The following CAMK1D variants were observed in gnomAD, a reference collection of about 807,000 sequenced individuals.
CAMK1D encodes the protein calcium/calmodulin dependent protein kinase ID.
A neutral mutation model predicts 47.7 loss-of-function variants in CAMK1D; 9 were observed. The observed-to-expected ratio is 0.19, with a 90% CI of 0.11 to 0.33. The LOEUF is 0.33. CAMK1D is among the 10% of genes least tolerant of loss of function. The pLI is 1.00. For missense variants in CAMK1D, 291 were observed against 488.7 expected, an observed-to-expected ratio of 0.60 and a Z score of 3.81; for synonymous variants, 184 against 184.9, an observed-to-expected ratio of 0.99 and a Z score of 0.04.
intron 6 of CAMK1D, among the ~76,000 whole-genome samples, chr10:12,813,824 G>A (rs755767861): frequency 4.0e-5 from 6 of 151,626 alleles, no homozygotes; most frequent in Non-Finnish European, 7.4e-5. Flanking sequence ...GCAGTGATGC[G>A]ATCTTGGCTC....
intron 1 of CAMK1D, among the ~76,000 whole-genome samples, chr10:12,390,162 G>A (rs1247286527): frequency 2.0e-5 from 3 of 152,114 alleles, no homozygotes; most frequent in Admixed American, 1.3e-4. Flanking sequence ...ATTCTAGGCT[G>A]ATGCAAAATT....
At chr10:12,549,196 C>A (rs1836500243) in intron 1 of CAMK1D, among the ~76,000 whole-genome samples, 1 of 152,220 alleles carries the variant, frequency 6.6e-6, no homozygotes, top group Non-Finnish European at 1.5e-5. Flanking sequence ...ACTCCGTCCC[C>A]ATTAAACAGA....
At chr10:12,696,069 A>G (rs1485030718) in intron 3 of CAMK1D, among the ~76,000 whole-genome samples, 1 of 151,994 alleles carries the variant, frequency 6.6e-6, no homozygotes, top group Non-Finnish European at 1.5e-5. Flanking sequence ...AGCCTGGGCA[A>G]CAAGAGTTAA....
chr10:12,541,768 T>C (rs568349126), intron 1 of CAMK1D, among the ~76,000 whole-genome samples: 2 of 152,242 alleles, frequency 1.3e-5, no homozygotes, highest in East Asian at 3.9e-4. Flanking sequence ...GAACAATAGG[T>C]CTAAAAGGCA....
At chr10:12,740,450 C>T (rs116331253) in intron 3 of CAMK1D, among the ~76,000 whole-genome samples, 4,318 of 152,118 alleles carry the variant, frequency 0.028, 180 homozygotes, top group African/African-American at 0.088. Flanking sequence ...AATAAAAAAT[C>T]AGCCAGACGT....
chr10:12,373,955 T>TAAA (rs1356790401), intron 1 of CAMK1D, among the ~76,000 whole-genome samples: 11 of 32,508 alleles, frequency 3.4e-4, no homozygotes, highest in Non-Finnish European at 4.8e-4. Flanking sequence ...ACACTCTTTA[T>TAAA]CAAAAAAAAA....
intron 1 of CAMK1D, among the ~76,000 whole-genome samples, chr10:12,400,352 T>C (rs1422331361): frequency 6.6e-6 from 1 of 152,192 alleles, no homozygotes; most frequent in Non-Finnish European, 1.5e-5. Flanking sequence ...CACTTCTTGC[T>C]GCGTACCTAA....
At chr10:12,801,423 C>A in intron 6 of CAMK1D, among the ~76,000 whole-genome samples, 1 of 147,834 alleles carries the variant, frequency 6.8e-6, no homozygotes, top group East Asian at 2.0e-4. Context: ...ATTCATCAAC[C>A]CATCCTTCCA....
At chr10:12,635,964 G>C (rs1839502083) in intron 2 of CAMK1D, among the ~76,000 whole-genome samples, 1 of 152,304 alleles carries the variant, frequency 6.6e-6, no homozygotes, top group Admixed American at 6.5e-5. Flanking sequence ...TCTCCCTCTT[G>C]ATTACTGTGG....
chr10:12,728,153 A>G (rs1010216866), intron 3 of CAMK1D, among the ~76,000 whole-genome samples: 30 of 152,202 alleles, frequency 2.0e-4, no homozygotes, highest in Non-Finnish European at 4.3e-4. Flanking sequence ...CTGAGTTGCA[A>G]TTCCAGATTT....
intron 3 of CAMK1D, among the ~76,000 whole-genome samples, chr10:12,734,498 A>G (rs1205196879): frequency 7.0e-6 from 1 of 143,502 alleles, no homozygotes; most frequent in Non-Finnish European, 1.5e-5. Context: ...ATGTATATAT[A>G]TACACACACA....
chr10:12,579,814 T>C (rs1837608094), intron 2 of CAMK1D, among the ~76,000 whole-genome samples: 2 of 152,228 alleles, frequency 1.3e-5, no homozygotes, highest in Non-Finnish European at 1.5e-5. Context: ...TTCACACTTC[T>C]TAAGCGAGAG....
At chr10:12,674,092 T>C (rs1251471297) in intron 3 of CAMK1D, among the ~76,000 whole-genome samples, 2 of 152,140 alleles carry the variant, frequency 1.3e-5, no homozygotes, top group Non-Finnish European at 2.9e-5. Flanking sequence ...ACTGCAGGCA[T>C]GTGCCACCAT....
At chr10:12,442,460 G>T (rs1283308341) in intron 1 of CAMK1D, among the ~76,000 whole-genome samples, 7 of 152,182 alleles carry the variant, frequency 4.6e-5, no homozygotes, top group Non-Finnish European at 8.8e-5. Context: ...CAGCCTGGGT[G>T]ACAGAGAGAG....
chr10:12,682,358 G>T (rs985697388), intron 3 of CAMK1D, among the ~76,000 whole-genome samples: 2 of 152,170 alleles, frequency 1.3e-5, no homozygotes, highest in African/African-American at 4.8e-5. Context: ...GATTGAAAAG[G>T]CTGATTATTT....
intron 1 of CAMK1D, among the ~76,000 whole-genome samples, chr10:12,423,422 G>T (rs1322172895): frequency 6.6e-6 from 1 of 152,090 alleles, no homozygotes; most frequent in Non-Finnish European, 1.5e-5. Context: ...GGCTGAGGTG[G>T]AAGGATCACT....
At chr10:12,515,213 T>G (rs982032436) in intron 1 of CAMK1D, among the ~76,000 whole-genome samples, 1 of 151,890 alleles carries the variant, frequency 6.6e-6, no homozygotes, top group African/African-American at 2.4e-5. Flanking sequence ...TAAAAATGAC[T>G]CTTACGGTGT....
intron 3 of CAMK1D, among the ~76,000 whole-genome samples, chr10:12,718,917 G>A (rs185321002): frequency 1.3e-5 from 2 of 152,264 alleles, no homozygotes; most frequent in East Asian, 1.9e-4. Context: ...TGTAAGTCAT[G>A]TACTGCTCAT....
intron 1 of CAMK1D, among the ~76,000 whole-genome samples, chr10:12,544,555 A>G (rs956739430): frequency 1.3e-5 from 2 of 152,288 alleles, no homozygotes; most frequent in Non-Finnish European, 2.9e-5. Flanking sequence ...ATTCAGGCAC[A>G]TAAGTGCATG....
Sources: gnomAD v4.1 joint callset for allele counts (sites outside exome capture counted in the v4.1 genomes callset) on GRCh38, gnomAD v4.1.1 for gene constraint, MANE v1.5 for transcripts, NCBI Gene and HGNC (gene_info 2026-07-23, HGNC 2026-07-21) for gene names.